Variants in AGBL4 observed in about 807,000 individuals in gnomAD.
The protein encoded by AGBL4 is cytosolic carboxypeptidase 6.
A neutral mutation model predicts 66.4 loss-of-function variants in AGBL4; 58 were observed. That is an observed-to-expected ratio of 0.87 (90% CI 0.71 to 1.09). The LOEUF (loss-of-function observed/expected upper bound fraction) is 1.09, where lower values mean the gene tolerates loss of function less well. AGBL4 is among the 50% of genes least tolerant of loss of function. The pLI is 0.00. For synonymous variants in AGBL4, 234 were observed against 222.9 expected, an observed-to-expected ratio of 1.05 and a Z score of -0.44; for missense variants, 579 against 631.0, an observed-to-expected ratio of 0.92 and a Z score of 0.88.
At chr1:50,023,553 C>A (rs571213415) in intron 1 of AGBL4, among the ~76,000 whole-genome samples, 1 of 152,334 alleles carries the variant, frequency 6.6e-6, no homozygotes, top group East Asian at 1.9e-4. Flanking sequence ...CTAACCCACA[C>A]TCCCCTCCAC....
chr1:48,967,684 C>T (rs1035257699), intron 5 of AGBL4, among the ~76,000 whole-genome samples: 1 of 152,022 alleles, frequency 6.6e-6, no homozygotes, highest in African/African-American at 2.4e-5. Flanking sequence ...GAGCATTTTC[C>T]AGTAGGAAAT....
At chr1:49,362,739 C>T (rs1409626033) in intron 3 of AGBL4, among the ~76,000 whole-genome samples, 1 of 152,004 alleles carries the variant, frequency 6.6e-6, no homozygotes, top group Non-Finnish European at 1.5e-5. Context: ...ATCTCAGCAC[C>T]AGGTCAATCT....
intron 5 of AGBL4, among the ~76,000 whole-genome samples, chr1:48,982,864 T>C (rs1200104066): frequency 1.3e-5 from 2 of 152,154 alleles, no homozygotes; most frequent in Non-Finnish European, 2.9e-5. Context: ...CCAGCACCTG[T>C]TGTTTCCTGA....
intron 1 of AGBL4, among the ~76,000 whole-genome samples, chr1:49,948,960 A>G (rs962133484): frequency 6.6e-6 from 1 of 151,910 alleles, no homozygotes; most frequent in Non-Finnish European, 1.5e-5. Flanking sequence ...CTATAAGGCC[A>G]TAGTCACCAA....
At chr1:49,083,959 C>T (rs910715379) in intron 4 of AGBL4, among the ~76,000 whole-genome samples, 2 of 152,206 alleles carry the variant, frequency 1.3e-5, no homozygotes, top group South Asian at 4.1e-4. Flanking sequence ...AGAGCAAGGG[C>T]AAAATGCTGC....
At chr1:48,893,804 C>G (rs1651234718) in intron 5 of AGBL4, among the ~76,000 whole-genome samples, 1 of 152,148 alleles carries the variant, frequency 6.6e-6, no homozygotes, top group African/African-American at 2.4e-5. Flanking sequence ...TGAGAGAGGG[C>G]CCTCAGCAGA....
intron 2 of AGBL4, among the ~76,000 whole-genome samples, chr1:49,790,051 G>A (rs544524304): frequency 6.6e-5 from 10 of 152,172 alleles, no homozygotes; most frequent in African/African-American, 1.9e-4. Flanking sequence ...TCTGATCTTT[G>A]ACAAACCTGA....
intron 2 of AGBL4, among the ~76,000 whole-genome samples, chr1:49,746,005 A>G (rs1030278547): frequency 4.6e-5 from 7 of 152,054 alleles, no homozygotes; most frequent in African/African-American, 1.7e-4. Flanking sequence ...AGTAAATTTC[A>G]AAGTTTTGAA....
intron 3 of AGBL4, among the ~76,000 whole-genome samples, chr1:49,401,225 A>G (rs957795119): frequency 1.7e-4 from 26 of 152,200 alleles, no homozygotes; most frequent in Non-Finnish European, 1.0e-4. Context: ...AATGAGTGCC[A>G]TGCGAAGGGG....
chr1:48,692,944 C>A (rs1557882687), intron 6 of AGBL4, among the ~76,000 whole-genome samples: 1 of 152,164 alleles, frequency 6.6e-6, no homozygotes, highest in Non-Finnish European at 1.5e-5. Flanking sequence ...TGGATTACTT[C>A]ATATAATCTT....
chr1:49,512,663 T>A (rs1034993200), intron 3 of AGBL4, among the ~76,000 whole-genome samples: 3 of 151,916 alleles, frequency 2.0e-5, no homozygotes, highest in African/African-American at 7.2e-5. Flanking sequence ...TGATGCTTCT[T>A]GTACAGCCTG....
chr1:49,419,739 C>A (rs182706358), intron 3 of AGBL4, among the ~76,000 whole-genome samples: 2 of 152,102 alleles, frequency 1.3e-5, no homozygotes, highest in Admixed American at 1.3e-4. Context: ...GTAATAATTC[C>A]CTGTGAACTA....
chr1:49,377,462 G>C (rs1007254464), intron 3 of AGBL4, among the ~76,000 whole-genome samples: 3 of 152,096 alleles, frequency 2.0e-5, no homozygotes, highest in African/African-American at 4.8e-5. Context: ...ATCTATGACT[G>C]TCTGGCTTTA....
At chr1:48,553,901 G>A (rs542605586) in intron 11 of AGBL4, among the ~76,000 whole-genome samples, 6 of 152,250 alleles carry the variant, frequency 3.9e-5, no homozygotes, top group Admixed American at 2.0e-4. Context: ...ACTTGAAATG[G>A]AATGAACAAT....
chr1:48,630,549 G>A (rs1645576712), intron 9 of AGBL4, among the ~76,000 whole-genome samples: 1 of 152,134 alleles, frequency 6.6e-6, no homozygotes, highest in African/African-American at 2.4e-5. Context: ...ATGTCCCTTA[G>A]GTCTGGCTCC....
chr1:49,610,364 C>A (rs1409266606), intron 3 of AGBL4, among the ~76,000 whole-genome samples: 2 of 152,094 alleles, frequency 1.3e-5, no homozygotes, highest in African/African-American at 4.8e-5. Flanking sequence ...TTAACTCAAA[C>A]GTAGACTTTT....
intron 3 of AGBL4, among the ~76,000 whole-genome samples, chr1:49,533,392 A>C (rs1427603464): frequency 6.6e-6 from 1 of 152,102 alleles, no homozygotes; most frequent in Non-Finnish European, 1.5e-5. Flanking sequence ...TAAATTCTTC[A>C]CCTCAAGTCA....
intron 3 of AGBL4, among the ~76,000 whole-genome samples, chr1:49,463,010 T>C (rs1570776403): frequency 6.6e-6 from 1 of 151,744 alleles, no homozygotes; most frequent in Admixed American, 6.6e-5. Context: ...AGGTTACACA[T>C]TGAGTTAATG....
At chr1:49,086,906 C>T (rs1246973710) in intron 4 of AGBL4, among the ~76,000 whole-genome samples, 1 of 152,006 alleles carries the variant, frequency 6.6e-6, no homozygotes, top group Non-Finnish European at 1.5e-5. Context: ...GAAATGCAAG[C>T]ATGAAGACAG....
Sources: allele counts gnomAD v4.1 joint callset (sites outside exome capture counted in the v4.1 genomes callset), GRCh38; gene constraint gnomAD v4.1.1; transcripts MANE v1.5; gene names NCBI Gene and HGNC (gene_info 2026-07-23, HGNC 2026-07-21).